TRAPPC9: variants seen among roughly 807,000 people sequenced by gnomAD.
TRAPPC9 encodes the protein IKK2 binding protein.
Under a neutral mutation model 124.0 loss-of-function variants are expected in TRAPPC9, and 83 were observed. The observed-to-expected ratio is 0.67, with a 90% confidence interval of 0.56 to 0.80. The LOEUF is 0.80. Among genes scored for constraint, TRAPPC9 ranks in the 30% least tolerant of loss-of-function variants. The pLI, the probability that TRAPPC9 is intolerant of heterozygous loss-of-function variation, is 0.00. For missense variants in TRAPPC9, 1,302 were observed against 1,508.3 expected (o/e 0.86, Z 2.27); for synonymous variants, 638 against 617.5 (o/e 1.03, Z -0.49).
chr8:140,004,627 G>T (rs1838629921), intron 18 of TRAPPC9, among the ~76,000 whole-genome samples: 1 of 152,142 alleles, frequency 6.6e-6, no homozygotes, highest in Admixed American at 6.5e-5. Context: ...ATAAACATGG[G>T]GGGTGGGGCT....
At chr8:140,086,812 G>A (rs1844213795) in intron 17 of TRAPPC9, among the ~76,000 whole-genome samples, 1 of 152,178 alleles carries the variant, frequency 6.6e-6, no homozygotes, top group Admixed American at 6.5e-5. Context: ...GCAGGCGCCT[G>A]TAATCCCAAC....
chr8:140,171,730 A>G (rs886665237), intron 17 of TRAPPC9, among the ~76,000 whole-genome samples: 1 of 152,116 alleles, frequency 6.6e-6, no homozygotes, highest in Non-Finnish European at 1.5e-5. Flanking sequence ...GGAGGAAAAA[A>G]TTGGGAGAAC....
chr8:140,338,249 C>T (rs2067096858), intron 9 of TRAPPC9, among the ~76,000 whole-genome samples: 1 of 152,138 alleles, frequency 6.6e-6, no homozygotes, highest in Non-Finnish European at 1.5e-5. Context: ...TACGTATAAG[C>T]AAAGCCCACA....
intron 17 of TRAPPC9, among the ~76,000 whole-genome samples, chr8:140,083,655 ATTTTGT>A (rs964353631): frequency 2.0e-4 from 31 of 151,896 alleles, no homozygotes; most frequent in Non-Finnish European, 2.9e-4. Flanking sequence ...TTTTTTTGTT[ATTTTGT>A]TTTTGTTTTT....
At chr8:140,436,832 T>A (rs960055549) in intron 3 of TRAPPC9, among the ~76,000 whole-genome samples, 1 of 152,256 alleles carries the variant, frequency 6.6e-6, no homozygotes, top group Non-Finnish European at 1.5e-5. Context: ...AGTAAAACTA[T>A]GTCTTTCTCA....
At chr8:140,044,645 C>T (rs1385172521) in intron 17 of TRAPPC9, among the ~76,000 whole-genome samples, 6 of 152,220 alleles carry the variant, frequency 3.9e-5, no homozygotes, top group African/African-American at 1.2e-4. Context: ...ATGCTACGGA[C>T]GGAATACATA....
In TRAPPC9 at chr8:140,443,247, A is replaced by G. The variant is rs551740048; in HGVS notation, c.585-4050T>C. On this transcript the variant is annotated intron_variant, in intron 2 of 22. Transcript: ENST00000438773. ...TCAGGAGATCGAGACCATCCTGGCT[A>G]ACATGATGAAACCCCGTCTCTACTA... 5.3e-5 allele frequency among the ~76,000 whole-genome samples: 8 copies of G among 150,124 alleles called. No individual in the cohort carries two copies. In the South Asian group the frequency reaches 6.3e-4, roughly 12 times the overall value.
chr8:139,972,702 C>CTT (rs1252597836), intron 19 of TRAPPC9, among the ~76,000 whole-genome samples: 1 of 152,310 alleles, frequency 6.6e-6, no homozygotes, highest in African/African-American at 2.4e-5. Flanking sequence ...ATCTGTACCT[C>CTT]AACTAAGCCT....
At chr8:139,931,283 A>C (rs1448534679) in intron 19 of TRAPPC9, 1 of 152,216 alleles carries the variant, frequency 6.6e-6, no homozygotes, top group Non-Finnish European at 1.5e-5. Flanking sequence ...CAACCATAGG[A>C]GCTGGATCCT....
chr8:140,393,928 C>T (rs912942339), intron 7 of TRAPPC9, among the ~76,000 whole-genome samples: 12 of 152,030 alleles, frequency 7.9e-5, no homozygotes, highest in Admixed American at 5.9e-4. Flanking sequence ...GGAAAACTCA[C>T]AGGGCCACGG....
At chr8:139,997,039 G>A (rs1032673656) in intron 18 of TRAPPC9, among the ~76,000 whole-genome samples, 2 of 151,978 alleles carry the variant, frequency 1.3e-5, no homozygotes, top group East Asian at 3.9e-4. Context: ...GAGCCATCAC[G>A]CCTGACCCAA....
upstream of TRAPPC9, chr8:140,458,421 C>T (rs1363923739): frequency 6.3e-7 from 1 of 1,587,268 alleles, no homozygotes; most frequent in Non-Finnish European, 8.6e-7. Flanking sequence ...GGTCGTGCCC[C>T]CCACGTGGGT....
intron 18 of TRAPPC9, among the ~76,000 whole-genome samples, chr8:139,994,920 A>C (rs192854326): frequency 6.6e-6 from 1 of 152,200 alleles, no homozygotes; most frequent in East Asian, 1.9e-4. Flanking sequence ...ATTTCATTCC[A>C]AGCAAAATGG....
chr8:140,168,138 A>G (rs757097462), intron 17 of TRAPPC9, among the ~76,000 whole-genome samples: 1 of 152,256 alleles, frequency 6.6e-6, no homozygotes, highest in Non-Finnish European at 1.5e-5. Context: ...ACAATGAGGT[A>G]GTTAAAGGTA....
At chr8:140,253,460 T>C (rs897191976) in intron 15 of TRAPPC9, among the ~76,000 whole-genome samples, 3 of 152,106 alleles carry the variant, frequency 2.0e-5, no homozygotes, top group African/African-American at 4.8e-5. Flanking sequence ...GGTGAATCAC[T>C]TGAGATCAGG....
At chr8:139,747,792 G>A (rs969138135) in intron 21 of TRAPPC9, among the ~76,000 whole-genome samples, 5 of 49,728 alleles carry the variant, frequency 1.0e-4, no homozygotes, top group African/African-American at 2.0e-4. Flanking sequence ...GTAGGGGGGC[G>A]TACAGGGGTC....
intron 9 of TRAPPC9, among the ~76,000 whole-genome samples, chr8:140,359,371 G>A (rs1050845776): frequency 7.2e-5 from 11 of 152,176 alleles, no homozygotes; most frequent in Admixed American, 3.3e-4. Flanking sequence ...CCCCAAGCGC[G>A]TAGGGAAACA....
chr8:140,050,723 G>A (rs1400614769), intron 17 of TRAPPC9, among the ~76,000 whole-genome samples: 1 of 152,162 alleles, frequency 6.6e-6, no homozygotes, highest in African/African-American at 2.4e-5. Flanking sequence ...GCTGGGGAGG[G>A]AAGAAGGGGG....
intron 17 of TRAPPC9, among the ~76,000 whole-genome samples, chr8:140,153,299 A>T (rs1224404412): frequency 1.3e-5 from 2 of 152,034 alleles, no homozygotes; most frequent in Non-Finnish European, 2.9e-5. Flanking sequence ...ATTTCCTAAC[A>T]TACGCTGTTA....
Sources: gnomAD v4.1 joint callset for allele counts (sites outside exome capture counted in the v4.1 genomes callset) on GRCh38, gnomAD v4.1.1 for gene constraint, MANE v1.5 for transcripts, NCBI Gene and HGNC (gene_info 2026-07-23, HGNC 2026-07-21) for gene names.